VPS13C: variants seen among roughly 807,000 people sequenced by gnomAD.
VPS13C encodes the protein intermembrane lipid transfer protein VPS13C.
VPS13C carries 358 observed loss-of-function variants against 456.8 expected under a neutral mutation model. That is an observed-to-expected ratio of 0.78 (90% CI 0.72 to 0.86). The LOEUF is 0.86. Among genes scored for constraint, VPS13C ranks in the 40% least tolerant of loss-of-function variants. The pLI is 0.00. For synonymous variants in VPS13C, 1,578 were observed against 1,486.7 expected (o/e 1.06, Z -1.41); for missense variants, 4,818 against 4,385.4 (o/e 1.10, Z -2.79).
chr15:62,018,355 G>C (rs961195283), intron 9 of VPS13C, among the ~76,000 whole-genome samples: 6 of 151,802 alleles, frequency 4.0e-5, no homozygotes, highest in Non-Finnish European at 8.8e-5. Flanking sequence ...GGGCATCCCT[G>C]TCTTGTGCCA....
Position 61,880,677 on chromosome 15 carries a change from T to A in VPS13C, c.9934A>T (p.Met3312Leu). The A allele has an allele frequency of 1.9e-6, 3 of 1,601,136 alleles. No individual in the cohort carries two copies. Among genetic ancestry groups the A allele is most frequent in the Non-Finnish European group, 2.6e-6 (3 of 1,175,274 alleles). Reference protein sequence around the residue: ...QDIDALNAELMETSMTDMSIL... With the variant: ...QDIDALNAELLETSMTDMSIL... ...GACATATCAGTCATTGAAGTCTCCA[T>A]TAATTCTGCATTTAGAGCATCAATA... The change falls in exon 73 of 85, where the codon ATG (methionine) becomes TTG (leucine). Residue 3312 changes from methionine to leucine, a missense_variant. Met to Leu is a conservative substitution (Grantham distance 15). This residue lies in a region of VPS13C where 4,552 missense variants were observed against 4,130.6 expected (regional missense o/e 1.10). Coordinates refer to ENST00000644861, the MANE Select transcript of VPS13C (RefSeq NM_020821.3).
At chr15:61,900,070 T>G (rs886652389) in intron 66 of VPS13C, among the ~76,000 whole-genome samples, 39 of 152,176 alleles carry the variant, frequency 2.6e-4, no homozygotes, top group African/African-American at 8.7e-4. Context: ...CAACCCTTCA[T>G]GCTAAAAACT....
At chr15:62,018,146 G>C (rs960908236) in intron 9 of VPS13C, among the ~76,000 whole-genome samples, 1 of 152,160 alleles carries the variant, frequency 6.6e-6, no homozygotes, top group East Asian at 1.9e-4. Flanking sequence ...TGTATCCTGA[G>C]ACTTTGCTGA....
intron 67 of VPS13C, 37 bp from the exon 68 acceptor site, chr15:61,884,306 T>G (rs756281757): frequency 1.3e-6 from 2 of 1,593,556 alleles, no homozygotes; most frequent in East Asian, 4.5e-5. Context: ...ATTAGCAATA[T>G]GTATTTAGGT....
intron 49 of VPS13C, 122 bp downstream of exon 49, chr15:61,934,097 T>C (rs1286211541): frequency 2.5e-5 from 13 of 521,272 alleles, no homozygotes; most frequent in South Asian, 5.6e-5. Flanking sequence ...GTAGGCCAAA[T>C]AGAATTTTAT....
intron 77 of VPS13C, 83 bp downstream of exon 77, chr15:61,874,792 TA>T (rs1895289538): frequency 1.6e-6 from 2 of 1,238,712 alleles, no homozygotes; most frequent in South Asian, 1.5e-5. Flanking sequence ...CTTTATTAAA[TA>T]AAAGCATTTG....
intron 5 of VPS13C, among the ~76,000 whole-genome samples, chr15:62,030,790 C>T (rs1395894590): frequency 6.6e-6 from 1 of 152,074 alleles, no homozygotes; most frequent in Non-Finnish European, 1.5e-5. Flanking sequence ...TGTTAATGAA[C>T]TAGATTAATG....
intron 1 of VPS13C, among the ~76,000 whole-genome samples, chr15:62,054,471 T>C (rs1245394692): frequency 1.3e-5 from 2 of 152,112 alleles, no homozygotes; most frequent in African/African-American, 4.8e-5. Context: ...TTGATACCTC[T>C]AAGAAAACCA....
At chr15:61,959,997 G>C (rs568412385) in intron 35 of VPS13C, among the ~76,000 whole-genome samples, 3 of 152,142 alleles carry the variant, frequency 2.0e-5, no homozygotes, top group Admixed American at 6.5e-5. Context: ...TTTCATAAAG[G>C]TTTTCTCTAG....
Position 61,927,318 on chromosome 15 carries a change from C to A in VPS13C, c.6289G>T (p.Asp2097Tyr). ...ATGKVKIEKD[D>Y]SVRPNMTLKA... is the part of the protein sequence containing the mutation. ...AAAGTCATATTTGGTCTAACAGAGT[C>A]ATCTGAAGAAACAAGCAACAGGAAC... The change falls in exon 52 of 85, where the codon GAC becomes TAC. Residue 2097 changes from aspartate to tyrosine, a missense_variant and splice_region_variant. Physicochemically the swap from Asp to Tyr is radical, Grantham distance 160. Around this residue, in one of 3 missense-constraint regions of VPS13C, gnomAD observed 4,552 missense variants for 4,130.6 expected, o/e 1.10. Coordinates refer to ENST00000644861, the MANE Select transcript of VPS13C (RefSeq NM_020821.3). 2 of 1,611,148 alleles carry A rather than the reference C, an allele frequency of 1.2e-6. No individual in the cohort carries two copies. Among genetic ancestry groups the A allele is most frequent in the South Asian group, 1.1e-5 (1 of 90,570 alleles).
intron 66 of VPS13C, among the ~76,000 whole-genome samples, chr15:61,895,247 A>T (rs2042771862): frequency 6.6e-6 from 1 of 152,172 alleles, no homozygotes; most frequent in Admixed American, 6.5e-5. Context: ...ATAAATGCCT[A>T]TATCAAAAAA....
intron 55 of VPS13C, among the ~76,000 whole-genome samples, chr15:61,921,247 A>C (rs970753409): frequency 1.3e-5 from 2 of 152,102 alleles, no homozygotes; most frequent in African/African-American, 4.8e-5. Flanking sequence ...TAAGTGACTC[A>C]TCTTTAACAA....
rs567226384 is a variant in VPS13C at position 61,918,266 on chromosome 15, CA to C, written c.7639-10del. 601 of 1,454,116 alleles carry C rather than the reference CA, an allele frequency of 4.1e-4. No homozygotes were observed. The highest frequency in any genetic ancestry group is 1.6e-3 in the South Asian group (109 of 68,996). 90.1% of individuals were successfully genotyped at this position (1,454,116 alleles called of 1,614,324 possible). ...GAGAAATGGTTTTTGATCTGTTGGACAAAAAAAAATACAAGTTTTTTAAAAG... is the reference window on the plus strand; with the variant it reads ...GAGAAATGGTTTTTGATCTGTTGGACAAAAAAAATACAAGTTTTTTAAAAG... On this transcript the variant is annotated splice_polypyrimidine_tract_variant and intron_variant, in intron 58 of 84. Coordinates refer to ENST00000644861, the MANE Select transcript of VPS13C (RefSeq NM_020821.3).
chr15:61,916,734 C>T (rs2043483335), intron 60 of VPS13C, among the ~76,000 whole-genome samples: 1 of 151,950 alleles, frequency 6.6e-6, no homozygotes, highest in Non-Finnish European at 1.5e-5. Context: ...AAATATTTAT[C>T]ATATACCATT....
intron 82 of VPS13C, among the ~76,000 whole-genome samples, chr15:61,860,961 T>C (rs964989358): frequency 1.1e-4 from 15 of 140,208 alleles, no homozygotes; most frequent in African/African-American, 4.0e-4. Flanking sequence ...TTCTTTTTTT[T>C]TTTTTTTTTT....
At chr15:62,042,920 A>AAT (rs1233838726) in intron 2 of VPS13C, among the ~76,000 whole-genome samples, 7 of 150,384 alleles carry the variant, frequency 4.7e-5, no homozygotes, top group East Asian at 1.9e-4. Context: ...TATAATAAAA[A>AAT]ATATATATAT....
intron 18 of VPS13C, among the ~76,000 whole-genome samples, chr15:61,987,122 CA>C (rs1314565814): frequency 1.3e-5 from 2 of 150,050 alleles, no homozygotes; most frequent in Non-Finnish European, 3.0e-5. Context: ...TAATCTCTAA[CA>C]AAAGCAGCAT....
intron 1 of VPS13C, among the ~76,000 whole-genome samples, chr15:62,051,076 C>T (rs1469055473): frequency 2.0e-5 from 3 of 152,102 alleles, no homozygotes; most frequent in African/African-American, 7.2e-5. Context: ...TAATGGCCTA[C>T]AAAATAAATG....
chr15:61,928,122 A>G (rs2043928057), intron 51 of VPS13C, among the ~76,000 whole-genome samples: 1 of 152,062 alleles, frequency 6.6e-6, no homozygotes, highest in Non-Finnish European at 1.5e-5. Context: ...CAGCACACCA[A>G]CATGGCACAG....
Sources: gnomAD v4.1 joint callset for allele counts (sites outside exome capture counted in the v4.1 genomes callset) on GRCh38, gnomAD v4.1.1 for gene constraint, gnomAD v4.1.1 regional missense constraint, MANE v1.5 for transcripts, NCBI Gene and HGNC (gene_info 2026-07-23, HGNC 2026-07-21) for gene names.